Variants in CAPG observed in about 807,000 individuals in gnomAD.
CAPG encodes macrophage-capping protein.
In CAPG, 32 loss-of-function variants were observed where a neutral mutation model predicts 44.6. The observed-to-expected ratio is 0.72, with a 90% CI of 0.54 to 0.96. The LOEUF (loss-of-function observed/expected upper bound fraction) is 0.96, where lower values mean the gene tolerates loss of function less well. CAPG is among the 50% of genes least tolerant of loss of function. The pLI is 0.00. For synonymous variants in CAPG, 175 were observed against 179.6 expected (o/e 0.97, Z 0.20); for missense variants, 412 against 438.3 (o/e 0.94, Z 0.54).
Position 85,399,139 on chromosome 2 carries a change from G to C in CAPG, c.663C>G (p.Ile221Met). 6.2e-7 allele frequency: 1 copy of C among 1,613,650 alleles called. No individual in the cohort carries two copies. The highest frequency in any genetic ancestry group is 8.5e-7 in the Non-Finnish European group (1 of 1,179,602). The change falls in exon 6 of 10, where the codon ATC becomes ATG. Residue 221 changes from isoleucine (I) to methionine (M), a missense_variant. Coordinates refer to ENST00000263867, the MANE Select transcript of CAPG (RefSeq NM_001747.4). ...ACCCACTCCAATGTCCCCCAACCTG[G>C]ATCATCTCAGCAGGCTCCTCCCCAT... is the stretch of plus-strand genomic sequence containing the variant. ...VTDGEEPAEM[I>M]QVLGPKPALK...
intron 5 of CAPG, among the ~76,000 whole-genome samples, chr2:85,400,912 G>C (rs181165263): frequency 1.3e-5 from 2 of 152,314 alleles, no homozygotes. Flanking sequence ...TGAATGGTCT[G>C]GCAGGCAGTG....
upstream of CAPG, among the ~76,000 whole-genome samples, chr2:85,419,400 G>A (rs951583723): frequency 1.3e-5 from 2 of 152,200 alleles, no homozygotes; most frequent in Admixed American, 1.3e-4. Context: ...CTACAGAAGG[G>A]ACTTACCCAG....
chr2:85,394,714 ATAGG>A, downstream of CAPG: 1 of 657,488 alleles, frequency 1.5e-6, no homozygotes, highest in South Asian at 1.7e-5. Flanking sequence ...ACCCAGGTGA[ATAGG>A]TGGGTGACAG....
chr2:85,413,592 A>T (rs1687478992), upstream of CAPG, among the ~76,000 whole-genome samples: 2 of 152,084 alleles, frequency 1.3e-5, no homozygotes, highest in Non-Finnish European at 2.9e-5. Context: ...AAAAACAAAC[A>T]ACAACAACAG....
intron 1 of CAPG, among the ~76,000 whole-genome samples, chr2:85,417,406 T>C (rs1453666834): frequency 6.6e-6 from 1 of 151,718 alleles, no homozygotes; most frequent in Non-Finnish European, 1.5e-5. Flanking sequence ...TGGGAGTCCA[T>C]GCCCTCCCCA....
At chr2:85,398,282 A>C (rs1558730439) in intron 7 of CAPG, 130 bp from the exon 8 acceptor site, 3 of 1,071,980 alleles carry the variant, frequency 2.8e-6, no homozygotes, top group South Asian at 3.2e-5. Context: ...AGGTCCCAGG[A>C]GCAGACAAGA....
intron 1 of CAPG, among the ~76,000 whole-genome samples, chr2:85,405,263 C>T (rs1049815195): frequency 5.7e-4 from 87 of 152,104 alleles, no homozygotes; most frequent in African/African-American, 2.1e-3. Flanking sequence ...TCAGAAAATG[C>T]AACAGCTACG....
intron 5 of CAPG, among the ~76,000 whole-genome samples, chr2:85,400,691 C>T (rs1018678861): frequency 1.3e-5 from 2 of 152,164 alleles, no homozygotes; most frequent in South Asian, 2.1e-4. Flanking sequence ...CAACTGGCTT[C>T]GGCTCAGGCT....
At chr2:85,411,275 T>A (rs1229405614), upstream of CAPG, among the ~76,000 whole-genome samples, 1 of 152,254 alleles carries the variant, frequency 6.6e-6, no homozygotes, top group African/African-American at 2.4e-5. Context: ...CAGATGTTTA[T>A]CATCATGACT....
chr2:85,398,348 A>C, intron 7 of CAPG, 196 bp from the exon 8 acceptor site: 2 of 632,534 alleles, frequency 3.2e-6, no homozygotes, highest in Non-Finnish European at 5.4e-6. Flanking sequence ...CATCACCCCA[A>C]TCCCTGCAGC....
chr2:85,398,263 C>A, intron 7 of CAPG, 111 bp from the exon 8 acceptor site: 1 of 1,277,952 alleles, frequency 7.8e-7, no homozygotes, highest in Non-Finnish European at 1.1e-6. Flanking sequence ...GCCTCGCTGC[C>A]CACTGCCCAG....
chr2:85,406,815 G>T (rs529735185), intron 1 of CAPG, among the ~76,000 whole-genome samples: 3 of 151,500 alleles, frequency 2.0e-5, no homozygotes, highest in African/African-American at 7.3e-5. Flanking sequence ...CTGAGATCAT[G>T]CCATTGCACT....
At chr2:85,396,280 G>C (rs1420675168) in intron 8 of CAPG, among the ~76,000 whole-genome samples, 1 of 152,064 alleles carries the variant, frequency 6.6e-6, no homozygotes, top group African/African-American at 2.4e-5. Context: ...CAACCTCCCA[G>C]GCTCAAGCAA....
chr2:85,402,302 G>A (rs936249063), intron 1 of CAPG, 144 bp from the exon 2 acceptor site: 2 of 664,092 alleles, frequency 3.0e-6, no homozygotes, highest in East Asian at 2.7e-5. Flanking sequence ...CCATTATGCA[G>A]ACAAAGAAAA....
chr2:85,404,515 C>T (rs1002335892), intron 1 of CAPG, among the ~76,000 whole-genome samples: 3 of 152,092 alleles, frequency 2.0e-5, no homozygotes, highest in African/African-American at 7.2e-5. Context: ...CTTTGGGAGG[C>T]CGAGGTGGGT....
intron 2 of CAPG, 74 bp from the exon 3 acceptor site, chr2:85,402,031 T>C (rs1309736144): frequency 2.1e-5 from 34 of 1,610,978 alleles, no homozygotes; most frequent in Non-Finnish European, 2.6e-5. Context: ...GCCTGGCGAC[T>C]GCAGTCTGGG....
intron 1 of CAPG, among the ~76,000 whole-genome samples, chr2:85,404,244 AAAAT>A (rs1428628690): frequency 9.2e-5 from 14 of 152,022 alleles, no homozygotes; most frequent in African/African-American, 1.7e-4. Context: ...TTATAAATTT[AAAAT>A]AAATAAATAA....
chr2:85,415,880 C>T (rs1306083860), intron 1 of CAPG, among the ~76,000 whole-genome samples: 3 of 151,970 alleles, frequency 2.0e-5, no homozygotes, highest in Admixed American at 2.0e-4. Context: ...GACAGGGTCT[C>T]ACTCTGTCAC....
At chr2:85,403,287 A>G (rs1686991283) in intron 1 of CAPG, among the ~76,000 whole-genome samples, 1 of 152,210 alleles carries the variant, frequency 6.6e-6, no homozygotes, top group Non-Finnish European at 1.5e-5. Flanking sequence ...AAATTATGAA[A>G]GCTCATTCAA....
Sources: gnomAD v4.1 joint callset for allele counts (sites outside exome capture counted in the v4.1 genomes callset) on GRCh38, gnomAD v4.1.1 for gene constraint, MANE v1.5 for transcripts, NCBI Gene and HGNC (gene_info 2026-07-23, HGNC 2026-07-21) for gene names.